Variants in JAK3 observed in about 807,000 individuals in gnomAD.
JAK3 encodes Janus kinase 3.
JAK3 carries 88 observed loss-of-function variants against 120.8 expected under a neutral mutation model. The ratio of observed to expected loss-of-function variants is 0.73; its 90% CI spans 0.61 to 0.87. The LOEUF (loss-of-function observed/expected upper bound fraction) is 0.87. JAK3 is among the 40% of genes least tolerant of loss of function. The pLI, the probability that JAK3 is intolerant of heterozygous loss-of-function variation, is 0.00. For synonymous variants in JAK3, 592 were observed against 628.6 expected (o/e 0.94, Z 0.87); for missense variants, 1,254 against 1,501.4 (o/e 0.84, Z 2.72).
chr19:17,829,370 G>A (rs1309957624), intron 23 of JAK3, among the ~76,000 whole-genome samples: 1 of 152,006 alleles, frequency 6.6e-6, no homozygotes, highest in Non-Finnish European at 1.5e-5. Context: ...TGTTGGCCAG[G>A]CTAGTCTCGA....
chr19:17,845,978 C>A (rs988391142), intron 1 of JAK3, among the ~76,000 whole-genome samples: 1 of 151,928 alleles, frequency 6.6e-6, no homozygotes, highest in Non-Finnish European at 1.5e-5. Flanking sequence ...CCACCATGCC[C>A]GGCTAATTTT....
chr19:17,829,673 T>C (rs2094210077), intron 23 of JAK3: 1 of 257,002 alleles, frequency 3.9e-6, no homozygotes. Flanking sequence ...ACTAGGGGAA[T>C]CACTTGAGCT....
rs3212712 is a variant in JAK3 at position 17,844,194 on chromosome 19, C to T, written c.184+40G>A. 0.32 allele frequency: 492,734 copies of T among 1,539,842 alleles called. 85,444 individuals are homozygous for T. The highest frequency in any genetic ancestry group is 0.7 in the African/African-American group (51,413 of 73,000). On this transcript the variant is annotated intron_variant, in intron 2 of 23. Coordinates refer to ENST00000458235, the MANE Select transcript of JAK3 (RefSeq NM_000215.4). ...TTCCAATCTTGGCCCCACACAGCCC[C>T]ATCCTTCCCTCTGGCCCGATCCACT...
chr19:17,837,746 A>G (rs1031455535), intron 12 of JAK3, among the ~76,000 whole-genome samples, 186 bp downstream of exon 12: 1 of 149,860 alleles, frequency 6.7e-6, no homozygotes, highest in African/African-American at 2.5e-5. Flanking sequence ...AGGTCTCGCT[A>G]TGTTGCCTAG....
At position 17,835,918 on chromosome 19, in the gene JAK3, A is replaced by G; in HGVS notation, c.1914+6T>C. The G allele has an allele frequency of 6.2e-7, 1 of 1,613,620 alleles. No individual in the cohort carries two copies. The highest frequency in any genetic ancestry group is 8.5e-7 in the Non-Finnish European group (1 of 1,179,996). ...TGGAGGGTGGAGCAGGCAGAGGAGC[A>G]CTCACCAGATAGTTGAGGGCGTAGG... On this transcript the variant is annotated splice_donor_region_variant and intron_variant, in intron 14 of 23. Coordinates refer to ENST00000458235, the MANE Select transcript of JAK3 (RefSeq NM_000215.4).
Position 17,842,968 on chromosome 19 carries a change from T to C in JAK3, c.566+59A>G. The C allele has an allele frequency of 6.3e-7, 1 of 1,599,776 alleles. No homozygotes were observed. Among genetic ancestry groups the C allele is most frequent in the Non-Finnish European group, 8.5e-7 (1 of 1,176,112 alleles). On this transcript the variant is annotated intron_variant, in intron 5 of 23. Transcript: ENST00000458235. The surrounding 1 kb of genome is among the most constrained non-coding windows in gnomAD (Gnocchi z 6.4). ...TGGTGGGAGCCCGGCAAAGCCCCGA[T>C]GGAGCCCACGTTGCTCACTCCCAAG...
At position 17,842,588 on chromosome 19, in the gene JAK3, T is replaced by C. The variant is rs900991413; in HGVS notation, c.589A>G (p.Ser197Gly). ...TVSYKACLPP[S>G]LRDLIQGLSF... ...AGGCCCTGGATCAGGTCGCGCAGGC[T>C]TGGGGGTAGGCAGGCCTTGTAGCTG... is the stretch of plus-strand genomic sequence containing the variant. Residue 197 changes from serine (S) to glycine (G), a missense_variant, in exon 6 of 24, where the codon AGC (serine) becomes GGC (glycine). Around this residue, in one of 3 missense-constraint regions of JAK3, gnomAD observed 486 missense variants for 503.0 expected, o/e 0.97. Coordinates refer to ENST00000458235, the MANE Select transcript of JAK3 (RefSeq NM_000215.4). This position sits in a 1 kb window ranked among gnomAD's most constrained non-coding sequence, Gnocchi z 6.4. 6 of 1,583,018 alleles carry C rather than the reference T, an allele frequency of 3.8e-6. No homozygotes were observed. The highest frequency in any genetic ancestry group is 5.2e-6 in the Non-Finnish European group (6 of 1,163,828).
chr19:17,835,172 A>G lies in JAK3; in HGVS notation c.1958T>C (p.Val653Ala), dbSNP rs931371312. 2 of 1,614,070 alleles carry G rather than the reference A, an allele frequency of 1.2e-6. No homozygotes were observed. Among genetic ancestry groups the G allele is most frequent in the African/African-American group, 2.7e-5 (2 of 74,932 alleles). Residue 653 changes from valine (V) to alanine (A), a missense_variant, in exon 15 of 24, where the codon GTG becomes GCG. Val to Ala is a moderately conservative substitution (Grantham distance 64). Around this residue, in one of 3 missense-constraint regions of JAK3, gnomAD observed 630 missense variants for 819.8 expected, o/e 0.77. Transcript: ENST00000458235. ...LPHGNVSARK[V>A]LLAREGADGS... is the part of the protein sequence containing the mutation. ...ATCAGCCCCCTCCCGAGCCAGGAGC[A>G]CCTTCCGGGCAGAGACATTGCCATG... is the stretch of plus-strand genomic sequence containing the variant.
intron 17 of JAK3, among the ~76,000 whole-genome samples, chr19:17,834,010 A>C (rs2094219195): frequency 6.6e-6 from 1 of 152,040 alleles, no homozygotes; most frequent in African/African-American, 2.4e-5. Flanking sequence ...CTATAGCTGG[A>C]ACTATAGGCA....
chr19:17,838,700 C>G (rs188369281), intron 10 of JAK3, among the ~76,000 whole-genome samples: 2 of 149,136 alleles, frequency 1.3e-5, no homozygotes, highest in African/African-American at 2.5e-5. Context: ...TGTGTGCCAC[C>G]GTGCCCGGCT....
At chr19:17,839,287 G>A (rs1568404955) in intron 10 of JAK3, 190 bp downstream of exon 10, 1 of 695,876 alleles carries the variant, frequency 1.4e-6, no homozygotes, top group Non-Finnish European at 2.6e-6. Flanking sequence ...CTCACATCTA[G>A]CTGTGCCTAG....
intron 2 of JAK3, 116 bp downstream of exon 2, chr19:17,844,118 T>C: frequency 7.9e-7 from 1 of 1,267,524 alleles, no homozygotes; most frequent in Non-Finnish European, 1.1e-6. Flanking sequence ...CTCCTACTCA[T>C]CCCCCAAAGC....
intron 12 of JAK3, 130 bp downstream of exon 12, chr19:17,837,802 T>C: frequency 1.5e-6 from 2 of 1,350,920 alleles, no homozygotes; most frequent in Non-Finnish European, 2.1e-6. Context: ...TGCCTCAGCC[T>C]CCCAAAGTGC....
At chr19:17,837,264 T>C (rs958397240) in intron 12 of JAK3, 51 bp from the exon 13 acceptor site, 62 of 1,448,324 alleles carry the variant, frequency 4.3e-5, no homozygotes, top group Non-Finnish European at 5.7e-5. Context: ...TCCACTCCAA[T>C]AATCCCAAAT....
At chr19:17,839,055 A>T (rs1599874868) in intron 10 of JAK3, 1 of 347,044 alleles carries the variant, frequency 2.9e-6, no homozygotes, top group African/African-American at 2.1e-5. Flanking sequence ...GAAAGCCCCC[A>T]TAGGGATTTG....
At chr19:17,834,091 A>T (rs3212770) in intron 17 of JAK3, among the ~76,000 whole-genome samples, 49,290 of 151,906 alleles carry the variant, frequency 0.32, 8,573 homozygotes, top group East Asian at 0.7. Flanking sequence ...CTCACACCTG[A>T]AATCCCAGCA....
intron 23 of JAK3, among the ~76,000 whole-genome samples, chr19:17,828,314 G>A (rs2094207999): frequency 6.6e-6 from 1 of 152,042 alleles, no homozygotes; most frequent in Non-Finnish European, 1.5e-5. Flanking sequence ...GGAGTGCAGT[G>A]GTACAATAAT....
rs56061056 is a variant in JAK3, at chr19:17,844,383, G to A, written c.35C>T (p.Pro12Leu). The A allele has an allele frequency of 2.6e-4, 417 of 1,612,298 alleles. 1 individual carries two copies. The highest frequency in any genetic ancestry group is 3.3e-4 in the Non-Finnish European group (392 of 1,179,710). ...GGACAAGAGGCTGCATGAACGCTGA[G>A]GGATCAGGGGCGTCTCTTCACTTGG... is the stretch of plus-strand genomic sequence containing the variant. ...APPSEETPLI[P>L]QRSCSLLSTE... The change falls in exon 2 of 24, where the codon CCT becomes CTT. Residue 12 changes from proline (P) to leucine (L), a missense_variant. Coordinates refer to ENST00000458235, the MANE Select transcript of JAK3 (RefSeq NM_000215.4).
intron 13 of JAK3, 46 bp from the exon 14 acceptor site, chr19:17,836,097 T>TCAAC (rs1765079251): frequency 4.3e-6 from 7 of 1,609,958 alleles, no homozygotes; most frequent in Non-Finnish European, 5.1e-6. Flanking sequence ...TGAACTGCAC[T>TCAAC]TGTGTTGAGG....
Sources: allele counts gnomAD v4.1 joint callset (sites outside exome capture counted in the v4.1 genomes callset), GRCh38; gene constraint gnomAD v4.1.1; regional missense constraint gnomAD v4.1.1; non-coding constraint Gnocchi (gnomAD v3.1); transcripts MANE v1.5; gene names NCBI Gene and HGNC (gene_info 2026-07-23, HGNC 2026-07-21).